The following BNC2 variants were observed in gnomAD, a reference collection of about 807,000 sequenced individuals.
The protein encoded by BNC2 is basonuclin zinc finger protein 2.
Under a neutral mutation model 76.3 loss-of-function variants are expected in BNC2, and 20 were observed. That is an observed-to-expected ratio of 0.26 (90% CI 0.18 to 0.38). BNC2 has a LOEUF of 0.38. Ranked by LOEUF, BNC2 falls within the 10% of genes least tolerant of loss-of-function variation. The pLI is 1.00. For synonymous variants in BNC2, 582 were observed against 514.8 expected, an observed-to-expected ratio of 1.13 and a Z score of -1.77; for missense variants, 1,382 against 1,399.8, an observed-to-expected ratio of 0.99 and a Z score of 0.20.
intron 1 of BNC2, among the ~76,000 whole-genome samples, chr9:16,843,620 C>T (rs535325893): frequency 6.6e-6 from 1 of 152,350 alleles, no homozygotes; most frequent in East Asian, 1.9e-4. Flanking sequence ...AGGCGTGAGC[C>T]ACCATGCCCA....
intron 3 of BNC2, among the ~76,000 whole-genome samples, chr9:16,619,295 A>T (rs1218249961): frequency 6.6e-6 from 1 of 151,968 alleles, no homozygotes; most frequent in South Asian, 2.1e-4. Flanking sequence ...AACCCAACAT[A>T]ATGCTTTAGA....
intron 5 of BNC2, among the ~76,000 whole-genome samples, chr9:16,479,031 A>T (rs576786715): frequency 2.3e-4 from 35 of 152,284 alleles, no homozygotes; most frequent in Non-Finnish European, 4.3e-4. Flanking sequence ...GTGGGCAGAT[A>T]ACCTGAGATC....
chr9:16,638,600 T>C (rs995633602), intron 3 of BNC2, among the ~76,000 whole-genome samples: 5 of 152,144 alleles, frequency 3.3e-5, no homozygotes, highest in Non-Finnish European at 5.9e-5. Flanking sequence ...TCTAATTACC[T>C]GTAAAACCCT....
chr9:16,704,568 GAA>G (rs34866692), intron 3 of BNC2, among the ~76,000 whole-genome samples: 8 of 135,882 alleles, frequency 5.9e-5, no homozygotes, highest in Admixed American at 2.2e-4. Context: ...TGCCAAAAAG[GAA>G]AAAAAAAAAA....
At chr9:16,546,867 G>A (rs1344874551) in intron 5 of BNC2, among the ~76,000 whole-genome samples, 1 of 152,116 alleles carries the variant, frequency 6.6e-6, no homozygotes, top group African/African-American at 2.4e-5. Context: ...TCCAAATATT[G>A]CCCATAGAGT....
At chr9:16,552,084 T>A (rs1426610505) in intron 5 of BNC2, among the ~76,000 whole-genome samples, 1 of 152,114 alleles carries the variant, frequency 6.6e-6, no homozygotes, top group Non-Finnish European at 1.5e-5. Flanking sequence ...GTAAAATGTG[T>A]ACCTTTAGGT....
intron 1 of BNC2, among the ~76,000 whole-genome samples, chr9:16,754,057 A>C (rs1280204115): frequency 2.0e-5 from 3 of 152,166 alleles, no homozygotes; most frequent in African/African-American, 7.2e-5. Context: ...TATAGCCTGT[A>C]ATTGCTGCCT....
intron 5 of BNC2, chr9:16,473,163 C>A (rs920604917): frequency 1.3e-5 from 2 of 152,232 alleles, no homozygotes; most frequent in African/African-American, 4.8e-5. Flanking sequence ...CACAGTGGAA[C>A]CTTACATCTC....
At chr9:16,793,859 T>TG (rs1817578129) in intron 1 of BNC2, among the ~76,000 whole-genome samples, 3 of 94,740 alleles carry the variant, frequency 3.2e-5, no homozygotes, top group Non-Finnish European at 7.7e-5. Context: ...TTGTGGTTTT[T>TG]GTTTTTTTGT....
At chr9:16,427,858 CACT>C (rs1378156230) in intron 6 of BNC2, among the ~76,000 whole-genome samples, 1 of 152,180 alleles carries the variant, frequency 6.6e-6, no homozygotes, top group African/African-American at 2.4e-5. Flanking sequence ...AACCGAGCAC[CACT>C]GTCAGCTGTT....
intron 5 of BNC2, among the ~76,000 whole-genome samples, chr9:16,535,915 A>G (rs143149677): frequency 6.6e-6 from 1 of 152,216 alleles, no homozygotes; most frequent in Non-Finnish European, 1.5e-5. Context: ...ACAAGCCCAA[A>G]TTAACCTGCT....
In BNC2 at chr9:16,732,162, A is replaced by AAAAAAG. The variant is rs1554718906; in HGVS notation, c.130-4171_130-4166dup. ...GTTTTTCCCTCCATTTCCTGCAAAAAAAAAAGAAAAAGAAACAAAAAAGAA... is the reference window on the plus strand; with the variant it reads ...GTTTTTCCCTCCATTTCCTGCAAAAAAAAAAGAAAAAGAAAAAGAAACAAAAAAGAA... On this transcript the variant is annotated intron_variant, in intron 2 of 6. Coordinates refer to ENST00000380672, the MANE Select transcript of BNC2 (RefSeq NM_017637.6). Among the ~76,000 whole-genome samples the AAAAAAG allele has an allele frequency of 8.1e-5, 10 of 123,592 alleles. No individual in the cohort carries two copies. In the East Asian group the frequency reaches 8.6e-4, roughly 11 times the overall value. 81.1% of individuals were successfully genotyped at this position (123,592 alleles called of 152,430 possible).
At chr9:16,863,197 G>C (rs1052875644) in intron 1 of BNC2, among the ~76,000 whole-genome samples, 1 of 152,102 alleles carries the variant, frequency 6.6e-6, no homozygotes, top group Non-Finnish European at 1.5e-5. Context: ...ACAGGCATGA[G>C]CCACCACGCC....
chr9:16,720,809 A>T (rs1207691611), intron 3 of BNC2, among the ~76,000 whole-genome samples: 1 of 152,184 alleles, frequency 6.6e-6, no homozygotes, highest in African/African-American at 2.4e-5. Context: ...TCTATGAATG[A>T]AGAAAACATA....
chr9:16,449,180 T>TA (rs1821288924), intron 5 of BNC2, among the ~76,000 whole-genome samples: 1 of 152,190 alleles, frequency 6.6e-6, no homozygotes, highest in Non-Finnish European at 1.5e-5. Flanking sequence ...CTGCGTGCCT[T>TA]AATACCCTCT....
At chr9:16,810,045 C>T (rs1818006176) in intron 1 of BNC2, among the ~76,000 whole-genome samples, 1 of 152,156 alleles carries the variant, frequency 6.6e-6, no homozygotes, top group Non-Finnish European at 1.5e-5. Context: ...GCTCTTTAGT[C>T]TTTTTCTGCC....
intron 5 of BNC2, among the ~76,000 whole-genome samples, chr9:16,469,287 A>G (rs538553609): frequency 6.6e-5 from 10 of 152,222 alleles, no homozygotes; most frequent in Middle Eastern, 3.4e-3. Context: ...CAGAATTCCC[A>G]CATGTTGTAG....
chr9:16,732,042 G>A (rs907044265), intron 2 of BNC2, among the ~76,000 whole-genome samples: 6 of 151,598 alleles, frequency 4.0e-5, no homozygotes, highest in African/African-American at 1.5e-4. Context: ...GTAAAAAAGT[G>A]TGTTCTTTCT....
intron 3 of BNC2, among the ~76,000 whole-genome samples, chr9:16,696,912 A>G (rs971885370): frequency 6.6e-6 from 1 of 152,160 alleles, no homozygotes; most frequent in Admixed American, 6.5e-5. Flanking sequence ...AACTAACTCA[A>G]TGTCACCCTG....
Sources: gnomAD v4.1 joint callset for allele counts (sites outside exome capture counted in the v4.1 genomes callset) on GRCh38, gnomAD v4.1.1 for gene constraint, MANE v1.5 for transcripts, NCBI Gene and HGNC (gene_info 2026-07-23, HGNC 2026-07-21) for gene names.